GPR55: variants seen among roughly 807,000 people sequenced by gnomAD.
GPR55 encodes the protein G-protein coupled receptor 55.
In GPR55, 6 loss-of-function variants were observed where a neutral mutation model predicts 7.9. The observed-to-expected ratio is 0.76, with a 90% CI of 0.41 to 1.49. GPR55 has a LOEUF of 1.49. Among genes scored for constraint, GPR55 ranks in the 40% most tolerant of loss-of-function variants. The pLI is 0.01. For missense variants in GPR55, 376 were observed against 406.0 expected (o/e 0.93, Z 0.63); for synonymous variants, 183 against 166.8 (o/e 1.10, Z -0.75).
At chr2:230,930,955 T>TA (rs1484531990) in intron 1 of GPR55, among the ~76,000 whole-genome samples, 1 of 151,938 alleles carries the variant, frequency 6.6e-6, no homozygotes, top group Non-Finnish European at 1.5e-5. Context: ...GGGTGGAAGG[T>TA]AAAAAAATCT....
chr2:230,943,167 T>G (rs1474061413), intron 1 of GPR55, among the ~76,000 whole-genome samples: 2 of 150,608 alleles, frequency 1.3e-5, no homozygotes, highest in Admixed American at 1.3e-4. Flanking sequence ...TGTAGAGAGG[T>G]GGAAACTGAG....
intron 1 of GPR55, among the ~76,000 whole-genome samples, chr2:230,920,231 A>G (rs1391131424): frequency 6.6e-6 from 1 of 152,090 alleles, no homozygotes; most frequent in Non-Finnish European, 1.5e-5. Flanking sequence ...TTCCTTCTGT[A>G]TCAGAGAAAC....
chr2:230,938,201 T>C (rs550784090), intron 1 of GPR55, among the ~76,000 whole-genome samples: 3 of 144,066 alleles, frequency 2.1e-5, no homozygotes, highest in African/African-American at 7.8e-5. Flanking sequence ...TACTAATAAT[T>C]GGGGGTTTGT....
chr2:230,944,930 G>A lies in GPR55; in HGVS notation c.-135+15845C>T, dbSNP rs977917412. ...TGCAGATGCGACAACGAACGTAGAT[G>A]CTGTCCCAGCCACCCACACTCGCTG... On this transcript the variant is annotated intron_variant, in intron 1 of 1. Transcript: ENST00000392039. The surrounding 1 kb of genome is among the most constrained non-coding windows in gnomAD (Gnocchi z 4.2). 4.6e-5 allele frequency among the ~76,000 whole-genome samples: 7 copies of A among 152,200 alleles called. No individual in the cohort carries two copies. Among genetic ancestry groups the A allele is most frequent in the African/African-American group, 1.7e-4 (7 of 41,446 alleles).
rs1690554289 is a variant in GPR55, at chr2:230,910,245, G to A, written c.718C>T (p.Leu240Phe). 6.2e-7 allele frequency: 1 copy of A among 1,614,026 alleles called. No homozygotes were observed. Among genetic ancestry groups the A allele is most frequent in the African/African-American group, 1.3e-5 (1 of 74,922 alleles). The change falls in exon 2 of 2, where the codon CTC (leucine) becomes TTC (phenylalanine). Residue 240 changes from leucine (L) to phenylalanine (F), a missense_variant. Coordinates refer to ENST00000650999, the MANE Select transcript of GPR55 (RefSeq NM_005683.4). This position sits in a 1 kb window ranked among gnomAD's most constrained non-coding sequence, Gnocchi z 5.4. Reference protein sequence around the residue: ...ASLAVFVVSFLPVHLGFFLQF... With the variant: ...ASLAVFVVSFFPVHLGFFLQF... Reference sequence around the variant, plus strand: ...AGGAAGAACCCCAGGTGGACTGGGAGGAAGGAGACCACGAAGACAGCCAGG... The same window carrying A: ...AGGAAGAACCCCAGGTGGACTGGGAAGAAGGAGACCACGAAGACAGCCAGG...
intron 1 of GPR55, among the ~76,000 whole-genome samples, chr2:230,922,949 T>C (rs1188639980): frequency 6.6e-6 from 1 of 152,114 alleles, no homozygotes; most frequent in Non-Finnish European, 1.5e-5. Context: ...AGCAATCCTC[T>C]TGCCTCTGCC....
chr2:230,910,600 C>T lies in GPR55; in HGVS notation c.363G>A (p.Leu121=), dbSNP rs1394471108. Residue 121 remains leucine, a synonymous_variant, in exon 2 of 2, where the codon TTG becomes TTA. Transcript: ENST00000650999. The surrounding 1 kb of genome is among the most constrained non-coding windows in gnomAD (Gnocchi z 5.4). ...TCACCAGTAGCGGGTAACGGATGGC[C>T]AAGAACCGGTCCATGCTGATGAAGC... ...TICFISMDRF[L]AIRYPLLVSH... is the part of the protein sequence containing the mutation. 1 of 1,613,994 alleles carries T rather than the reference C, an allele frequency of 6.2e-7. No individual in the cohort carries two copies. Among genetic ancestry groups the T allele is most frequent in the Admixed American group, 1.7e-5 (1 of 60,012 alleles).
upstream of GPR55, among the ~76,000 whole-genome samples, chr2:230,925,551 G>A (rs1183658188): frequency 6.6e-6 from 1 of 152,176 alleles, no homozygotes; most frequent in African/African-American, 2.4e-5. Context: ...AGCCTCTGGA[G>A]GAGGAAGCCT....
At chr2:230,931,996 C>A (rs1440510548) in intron 1 of GPR55, among the ~76,000 whole-genome samples, 1 of 152,164 alleles carries the variant, frequency 6.6e-6, no homozygotes, top group African/African-American at 2.4e-5. Flanking sequence ...GTCGAGGCCA[C>A]TCCACACCTC....
intron 1 of GPR55, among the ~76,000 whole-genome samples, chr2:230,922,733 G>A (rs35873092): frequency 0.048 from 7,254 of 151,954 alleles, 263 homozygotes; most frequent in Non-Finnish European, 0.079. Flanking sequence ...GTGCCACCAC[G>A]CCCGGCTAAT....
At chr2:230,937,212 G>A (rs575277114) in intron 1 of GPR55, among the ~76,000 whole-genome samples, 1 of 152,000 alleles carries the variant, frequency 6.6e-6, no homozygotes, top group South Asian at 2.1e-4. Flanking sequence ...GACCTACCTG[G>A]TCAACAACAT....
At chr2:230,932,598 A>T (rs1301200113) in intron 1 of GPR55, among the ~76,000 whole-genome samples, 1 of 152,228 alleles carries the variant, frequency 6.6e-6, no homozygotes, top group Non-Finnish European at 1.5e-5. Context: ...GAACAGAAGG[A>T]CATGTTCATT....
At chr2:230,953,194 AG>A (rs1466648658) in intron 1 of GPR55, among the ~76,000 whole-genome samples, 1 of 152,150 alleles carries the variant, frequency 6.6e-6, no homozygotes, top group Non-Finnish European at 1.5e-5. Flanking sequence ...GGGGCTTCTG[AG>A]GTGGGCAGAA....
chr2:230,940,607 G>A (rs934839843), intron 1 of GPR55, among the ~76,000 whole-genome samples: 1 of 152,184 alleles, frequency 6.6e-6, no homozygotes. Context: ...CCTGTGCCCT[G>A]TTTGTGAGCT....
Position 230,910,069 on chromosome 2 carries a change from G to A in GPR55, c.894C>T (p.Asn298=). ...CCCTGGAAGGCCGGTGGGCCCTGAT[G>A]TTCATGCGGAATTCTTTGATGACAA... ...YYFVIKEFRM[N]IRAHRPSRVQ... is the part of the protein sequence containing the mutation. The change falls in exon 2 of 2, where the codon AAC becomes AAT. Residue 298 remains asparagine, a synonymous_variant. Transcript: ENST00000650999. This position sits in a 1 kb window ranked among gnomAD's most constrained non-coding sequence, Gnocchi z 5.4. 2 of 1,614,108 alleles carry A rather than the reference G, an allele frequency of 1.2e-6. No homozygotes were observed. The highest frequency in any genetic ancestry group is 8.5e-7 in the Non-Finnish European group (1 of 1,179,938).
In GPR55 at chr2:230,914,692, G is replaced by A. The variant is rs184113993; in HGVS notation, c.-134-3596C>T. Among the ~76,000 whole-genome samples, 50 of 152,292 alleles carry A rather than the reference G, an allele frequency of 3.3e-4. No homozygotes were observed. In the East Asian group the frequency reaches 9.5e-3, roughly 29 times the overall value. On this transcript the variant is annotated intron_variant, in intron 1 of 1. Coordinates refer to ENST00000650999, the MANE Select transcript of GPR55 (RefSeq NM_005683.4). ...CGGGGGGCAGCAACTAGCACCATTT[G>A]CTACTTGTGGGGTGTGGGGCCATTC...
At chr2:230,916,999 T>A (rs1043713450) in intron 1 of GPR55, among the ~76,000 whole-genome samples, 4 of 152,224 alleles carry the variant, frequency 2.6e-5, no homozygotes, top group African/African-American at 9.6e-5. Context: ...ATAAAAGTTC[T>A]GTGGCGATAG....
At chr2:230,960,628 C>T (rs981209968) in intron 1 of GPR55, 6 of 152,118 alleles carry the variant, frequency 3.9e-5, no homozygotes, top group Non-Finnish European at 5.9e-5. Flanking sequence ...AGAGCCTGGA[C>T]GTCATTACTT....
rs142524856 is a variant in GPR55, at chr2:230,937,811, C to T, written c.-135+22964G>A. On this transcript the variant is annotated intron_variant, in intron 1 of 1. Transcript: ENST00000392039. ...TGCAAACTACAAAACACAGATGCTG[C>T]CACAACCACCAAACAGAATAGAGAA... is the stretch of plus-strand genomic sequence containing the variant. Among the ~76,000 whole-genome samples the T allele has an allele frequency of 6.7e-3, 1,019 of 152,094 alleles. 1 individual carries two copies. Among genetic ancestry groups the T allele is most frequent in the Non-Finnish European group, 0.012 (796 of 68,000 alleles).
Sources: gnomAD v4.1 joint callset for allele counts (sites outside exome capture counted in the v4.1 genomes callset) on GRCh38, gnomAD v4.1.1 for gene constraint, Gnocchi (gnomAD v3.1) non-coding constraint, MANE v1.5 for transcripts, NCBI Gene and HGNC (gene_info 2026-07-23, HGNC 2026-07-21) for gene names.